The following POLE variants were observed in gnomAD, a reference collection of about 807,000 sequenced individuals.
The protein encoded by POLE is DNA polymerase epsilon catalytic subunit A.
POLE carries 188 observed loss-of-function variants against 279.2 expected under a neutral mutation model. The ratio of observed to expected loss-of-function variants is 0.67; its 90% confidence interval spans 0.60 to 0.76. POLE has a LOEUF of 0.76. Among genes scored for constraint, POLE ranks in the 30% least tolerant of loss-of-function variants. The probability of loss-of-function intolerance (pLI) is 0.00; values close to 1 mark genes in which losing one functional copy is unlikely to be tolerated. For synonymous variants in POLE, 1,214 were observed against 1,172.5 expected, an observed-to-expected ratio of 1.04 and a Z score of -0.72; for missense variants, 2,703 against 3,016.7, an observed-to-expected ratio of 0.90 and a Z score of 2.44.
rs1368640639 is a variant in POLE at position 132,626,242 on chromosome 12, C to G, written c.6406G>C (p.Gly2136Arg). The G allele has an allele frequency of 6.2e-7, 1 of 1,613,852 alleles. No individual in the cohort carries two copies. The highest frequency in any genetic ancestry group is 8.5e-7 in the Non-Finnish European group (1 of 1,180,012). Reference sequence around the variant, plus strand: ...AACTGGGCCTCCTCGGAGAACTCGCCGACATCCACCAGGCGAAGCAGGTCT... The same window carrying G: ...AACTGGGCCTCCTCGGAGAACTCGCGGACATCCACCAGGCGAAGCAGGTCT... ...NRDLLRLVDVGEFSEEAQFRD... is the reference protein window; with the variant it reads ...NRDLLRLVDVREFSEEAQFRD... Residue 2136 changes from glycine (G) to arginine (R), a missense_variant, in exon 46 of 49, where the codon GGC (glycine) becomes CGC (arginine). By Grantham distance (125) the Gly-to-Arg change is moderately radical (BLOSUM62 -2). Around this residue, in one of 5 missense-constraint regions of POLE, gnomAD observed 1,551 missense variants for 1,686.1 expected, o/e 0.92. Coordinates refer to ENST00000320574, the MANE Select transcript of POLE (RefSeq NM_006231.4).
rs775072147 is a variant in POLE at position 132,643,851 on chromosome 12, C to T, written c.4276G>A (p.Val1426Ile). 2.3e-5 allele frequency: 37 copies of T among 1,613,894 alleles called. No homozygotes were observed. Among genetic ancestry groups the T allele is most frequent in the East Asian group, 2.0e-4 (9 of 44,896 alleles). ...TGGGGAGTCACCTGAGTCTCATATA[C>T]GCCCTCGATGTCTGGCGCTGACAGC... ...AELSAPDIEG[V>I]YETQVPLLFR... is the part of the protein sequence containing the mutation. Residue 1426 changes from valine (V) to isoleucine (I), a missense_variant, in exon 33 of 49, where the codon GTA becomes ATA. Val to Ile is a conservative substitution (Grantham distance 29). Coordinates refer to ENST00000320574, the MANE Select transcript of POLE (RefSeq NM_006231.4).
At chr12:132,677,234 C>A in intron 8 of POLE, 129 bp downstream of exon 8, 1 of 723,020 alleles carries the variant, frequency 1.4e-6, no homozygotes, top group South Asian at 1.6e-5. Flanking sequence ...CTCCATATTT[C>A]CTTTAATAAA....
At chr12:132,679,315 T>C (rs2043118167) in intron 6 of POLE, among the ~76,000 whole-genome samples, 182 bp downstream of exon 6, 1 of 152,114 alleles carries the variant, frequency 6.6e-6, no homozygotes, top group African/African-American at 2.4e-5. Context: ...ACACATAAAA[T>C]ATAACCTGGG....
Position 132,643,545 on chromosome 12 carries a change from G to A in POLE, c.4306C>T (p.Arg1436Trp), listed in dbSNP as rs764904030. The A allele has an allele frequency of 1.1e-5, 18 of 1,614,006 alleles. No individual in the cohort carries two copies. Among genetic ancestry groups the A allele is most frequent in the African/African-American group, 5.3e-5 (4 of 74,930 alleles). Reference sequence around the variant, plus strand: ...ACACAGCCCAGGTGCACCAGGGCCCGGAACAGTAACGGAACCTGGAAGAAT... The same window carrying A: ...ACACAGCCCAGGTGCACCAGGGCCCAGAACAGTAACGGAACCTGGAAGAAT... ...VYETQVPLLF[R>W]ALVHLGCVCV... The change falls in exon 34 of 49, where the codon CGG becomes TGG. Residue 1436 changes from arginine (R) to tryptophan (W), a missense_variant. Arg to Trp is a moderately radical substitution (Grantham distance 101, BLOSUM62 -3). Coordinates refer to ENST00000320574, the MANE Select transcript of POLE (RefSeq NM_006231.4).
chr12:132,672,794 C>A lies in POLE; in HGVS notation c.1519G>T (p.Val507Leu). Residue 507 changes from valine (V) to leucine (L), a missense_variant, in exon 15 of 49, where the codon GTG (valine) becomes TTG (leucine). By Grantham distance (32) the Val-to-Leu change is conservative. Coordinates refer to ENST00000320574, the MANE Select transcript of POLE (RefSeq NM_006231.4). ...ATGATGTTGGCGTGGAAGGCCTGCA[C>A]CATCAGCAAGGCCTCACACAGAGTG... ...SGTLCEALLM[V>L]QAFHANIIFP... 6.2e-7 allele frequency: 1 copy of A among 1,614,172 alleles called. No homozygotes were observed. Among genetic ancestry groups the A allele is most frequent in the Middle Eastern group, 1.6e-4 (1 of 6,062 alleles).
intron 43 of POLE, chr12:132,633,890 C>T (rs41562617): frequency 4.6e-4 from 142 of 308,784 alleles, no homozygotes; most frequent in Non-Finnish European, 7.3e-4. Context: ...AATCAGATGG[C>T]GGGAGCAGAG....
At position 132,679,642 on chromosome 12, in the gene POLE, A is replaced by T; in HGVS notation, c.433T>A (p.Leu145Met). 6.2e-7 allele frequency: 1 copy of T among 1,610,032 alleles called. No homozygotes were observed. Among genetic ancestry groups the T allele is most frequent in the South Asian group, 1.1e-5 (1 of 91,014 alleles). ...ATGTAATTTCGCTTCAAACCCACCA[A>T]GTGATTTGGCTATAATGCGAAGAGA... ...PKEDLDLPNH[L>M]VGLKRNYIRL... The change falls in exon 6 of 49, where the codon TTG (leucine) becomes ATG (methionine). Residue 145 changes from leucine to methionine, a missense_variant. Around this residue, in one of 5 missense-constraint regions of POLE, gnomAD observed 1,011 missense variants for 1,111.7 expected, o/e 0.91. Transcript: ENST00000320574.
Position 132,677,579 on chromosome 12 carries a change from A to G in POLE, c.719T>C (p.Val240Ala), listed in dbSNP as rs2136019931. 6.2e-7 allele frequency: 1 copy of G among 1,614,184 alleles called. No individual in the cohort carries two copies. The highest frequency in any genetic ancestry group is 8.5e-7 in the Non-Finnish European group (1 of 1,180,034). ...IRLSIDLKIH[V>A]AHWYNVRYRG... The stretch of plus-strand genomic sequence containing the variant: ...GCGACCCAACCCTGCCCCACTCACC[A>G]CGTGGATCTTCAGGTCAATGGAGAG... The change falls in exon 7 of 49, where the codon GTG becomes GCG. Residue 240 changes from valine (V) to alanine (A), a missense_variant and splice_region_variant. Coordinates refer to ENST00000320574, the MANE Select transcript of POLE (RefSeq NM_006231.4).
rs1411134935 is a variant in POLE, at chr12:132,642,623, C to T, written c.4835G>A (p.Cys1612Tyr). 5 of 1,613,466 alleles carry T rather than the reference C, an allele frequency of 3.1e-6. No homozygotes were observed. Among genetic ancestry groups the T allele is most frequent in the South Asian group, 1.1e-5 (1 of 91,088 alleles). ...VLEEFPLVPI[C>Y]VADKINYGVL... ...CCCATAGTTGATCTTGTCAGCCACA[C>T]AGATAGGCACCAGTGGGAATTCCTC... Residue 1612 changes from cysteine to tyrosine, a missense_variant, in exon 37 of 49, where the codon TGT becomes TAT. By Grantham distance (194) the Cys-to-Tyr change is radical. Coordinates refer to ENST00000320574, the MANE Select transcript of POLE (RefSeq NM_006231.4).
chr12:132,625,939 G>C (rs1460247533), intron 46 of POLE, 169 bp from the exon 47 acceptor site: 3 of 1,130,436 alleles, frequency 2.7e-6, no homozygotes, highest in Non-Finnish European at 3.7e-6. Context: ...GCCCTTCCTA[G>C]GACAACATTC....
rs990935432 is a variant in POLE at position 132,625,072 on chromosome 12, G to A, written c.6658-78C>T. On this transcript the variant is annotated intron_variant, in intron 47 of 48. Coordinates refer to ENST00000320574, the MANE Select transcript of POLE (RefSeq NM_006231.4). ...GCCTGCTGCTTCTTCACAGGCTCGC[G>A]AGACACATTCGTGGGCCCATCAGTA... The A allele has an allele frequency of 4.1e-4, 445 of 1,072,688 alleles. 4 individuals carry two copies. The highest frequency in any genetic ancestry group is 2.4e-3 in the South Asian group (184 of 77,018). 66.4% of individuals were successfully genotyped at this position (1,072,688 alleles called of 1,614,324 possible).
At chr12:132,647,274 G>A (rs1198686155) in intron 32 of POLE, among the ~76,000 whole-genome samples, 1 of 152,008 alleles carries the variant, frequency 6.6e-6, no homozygotes, top group Non-Finnish European at 1.5e-5. Context: ...ACTCCAGCCT[G>A]GGTGATGGAG....
chr12:132,677,592 G>A lies in POLE; in HGVS notation c.706C>T (p.Leu236=), dbSNP rs553397628. Residue 236 remains leucine (L), a synonymous_variant, in exon 7 of 49, where the codon CTG becomes TTG. Transcript: ENST00000320574. The stretch of plus-strand genomic sequence containing the variant: ...GCCCCACTCACCACGTGGATCTTCA[G>A]GTCAATGGAGAGGCGGATGTGGTAG... ...VPYHIRLSID[L]KIHVAHWYNV... 3 of 1,614,068 alleles carry A rather than the reference G, an allele frequency of 1.9e-6. No homozygotes were observed. The highest frequency in any genetic ancestry group is 2.7e-5 in the African/African-American group (2 of 74,910).
rs1380872711 is a variant in POLE at position 132,641,641 on chromosome 12, T to C, written c.5378+6A>G. ...TAGTAACACTCCTTCCCAGAGAGGG[T>C]GGCACCTGAAGGTGTTAGAGCACAG... On this transcript the variant is annotated splice_donor_region_variant and intron_variant, in intron 39 of 48. Transcript: ENST00000320574. 5.0e-6 allele frequency: 8 copies of C among 1,611,574 alleles called. No homozygotes were observed. In the African/African-American group the frequency reaches 1.1e-4, roughly 22 times the overall value.
intron 43 of POLE, chr12:132,633,843 C>T (rs1555221149): frequency 4.7e-6 from 1 of 212,132 alleles, no homozygotes. Context: ...TGCACACACA[C>T]AAATGTTCCC....
At chr12:132,653,908 C>G (rs1182290687) in intron 29 of POLE, among the ~76,000 whole-genome samples, 1 of 152,202 alleles carries the variant, frequency 6.6e-6, no homozygotes, top group Non-Finnish European at 1.5e-5. Flanking sequence ...GTTTCTGCAT[C>G]TATTGGAGAT....
At position 132,668,389 on chromosome 12, in the gene POLE, C is replaced by T. The variant is rs777857048; in HGVS notation, c.2140G>A (p.Glu714Lys). Reference sequence around the variant, plus strand: ...CTTCTCTTCTCGTATTTCGCCTGTTCCTCGCGGGACAGTTCATGAAAGGCC... The same window carrying T: ...CTTCTCTTCTCGTATTTCGCCTGTTTCTCGCGGGACAGTTCATGAAAGGCC... ...ARAFHELSRE[E>K]QAKYEKRRLA... The change falls in exon 19 of 49, where the codon GAA (glutamate) becomes AAA (lysine). Residue 714 changes from glutamate to lysine, a missense_variant. Physicochemically the swap from Glu to Lys is moderately conservative, Grantham distance 56. Transcript: ENST00000320574. This position sits in a 1 kb window ranked among gnomAD's most constrained non-coding sequence, Gnocchi z 4.0. 5.6e-6 allele frequency: 9 copies of T among 1,602,084 alleles called. No individual in the cohort carries two copies. In the African/African-American group the frequency reaches 1.1e-4, roughly 19 times the overall value.
intron 29 of POLE, among the ~76,000 whole-genome samples, chr12:132,656,602 C>A (rs1371213635): frequency 1.3e-5 from 2 of 152,194 alleles, no homozygotes; most frequent in Non-Finnish European, 2.9e-5. Flanking sequence ...TTGTGGTCTG[C>A]CCACCTAGGC....
rs117192869 is a variant in POLE at position 132,634,475 on chromosome 12, T to C, written c.5812-97A>G. ...AAGGCTCCTCCAACCTGGGTCCATC[T>C]GCCCCGTTTGACCAGAGGCCTTCCT... On this transcript the variant is annotated intron_variant, in intron 42 of 48. Transcript: ENST00000320574. The surrounding 1 kb of genome is among the most constrained non-coding windows in gnomAD (Gnocchi z 4.0). The C allele has an allele frequency of 2.0e-4, 248 of 1,214,630 alleles. 2 individuals carry two copies. In the East Asian group the frequency reaches 5.0e-3, roughly 24 times the overall value. The allele number at this position is 1,214,630 out of a possible 1,614,324, so 75.2% of individuals were successfully genotyped here.
Sources: gnomAD v4.1 joint callset for allele counts (sites outside exome capture counted in the v4.1 genomes callset) on GRCh38, gnomAD v4.1.1 for gene constraint, gnomAD v4.1.1 regional missense constraint, Gnocchi (gnomAD v3.1) non-coding constraint, MANE v1.5 for transcripts, NCBI Gene and HGNC (gene_info 2026-07-23, HGNC 2026-07-21) for gene names.